DACH2: variants seen among roughly 807,000 people sequenced by gnomAD.
The protein encoded by DACH2 is dachshund family transcription factor 2, also known as dachshund homolog 2.
A neutral mutation model predicts 35.8 loss-of-function variants in DACH2; 17 were observed. That is an observed-to-expected ratio of 0.48 (90% CI 0.33 to 0.71). The LOEUF is 0.71. Among genes scored for constraint, DACH2 ranks in the 30% least tolerant of loss-of-function variants. The pLI is 0.02. For missense variants in DACH2, 469 were observed against 472.7 expected (o/e 0.99, Z 0.07); for synonymous variants, 195 against 177.3 (o/e 1.10, Z -0.79).
At chrX:86,695,264 A>G in intron 5 of DACH2, 85 bp downstream of exon 5, 1 of 796,543 alleles carries the variant, frequency 1.3e-6, no homozygotes, top group Non-Finnish European at 1.6e-6. Flanking sequence ...GGCAGGGCTT[A>G]GTCTATTTTT....
chrX:86,205,490 CTCCTTCCTTCCTTCCTTCCT>C (rs1199616660), intron 1 of DACH2, among the ~76,000 whole-genome samples: 3 of 23,338 alleles, frequency 1.3e-4, no homozygotes, highest in Admixed American at 4.2e-4. Flanking sequence ...CCCTCCTTCC[CTCCTTCCTTCCTTCCTTCCT>C]TCCTTCCTTC....
At chrX:86,816,522 T>C (rs1015074109) in intron 11 of DACH2, among the ~76,000 whole-genome samples, 12 of 112,307 alleles carry the variant, frequency 1.1e-4, no homozygotes, top group Non-Finnish European at 1.9e-5. Flanking sequence ...TTGTAACCTA[T>C]CAAAATTTTG....
intron 3 of DACH2, among the ~76,000 whole-genome samples, chrX:86,527,068 A>G (rs1264380466): frequency 3.6e-5 from 4 of 111,089 alleles, no homozygotes; most frequent in Non-Finnish European, 5.7e-5. Flanking sequence ...AGGTGAGGGT[A>G]AGAAAGGAGG....
At chrX:86,791,860 G>C (rs771173000) in intron 7 of DACH2, among the ~76,000 whole-genome samples, 1 of 111,791 alleles carries the variant, frequency 8.9e-6, no homozygotes, top group South Asian at 3.7e-4. Flanking sequence ...AAGTTCAGGG[G>C]TACAAGTAAA....
At position 86,466,027 on chromosome X, in the gene DACH2, T is replaced by C. The variant is rs147743179; in HGVS notation, c.528-48252T>C. On this transcript the variant is annotated intron_variant, in intron 2 of 11. Transcript: ENST00000373125. ...TGGGAAAGGTACTGCATTAGTCCAT[T>C]TTCATGCTGCTGATAAAGACATACC... Among the ~76,000 whole-genome samples the C allele has an allele frequency of 2.8e-3, 316 of 111,681 alleles. 2 individuals are homozygous for C. Among genetic ancestry groups the C allele is most frequent in the Middle Eastern group, 0.019 (4 of 216 alleles).
chrX:86,581,237 G>A (rs2148340629), intron 3 of DACH2, among the ~76,000 whole-genome samples: 1 of 111,830 alleles, frequency 8.9e-6, no homozygotes, highest in Non-Finnish European at 1.9e-5. Flanking sequence ...TGCTAAATAT[G>A]GAAAGGAAAG....
At position 86,544,532 on chromosome X, in the gene DACH2, C is replaced by T. The variant is rs763614114; in HGVS notation, c.640+30141C>T. On this transcript the variant is annotated intron_variant, in intron 3 of 11. Transcript: ENST00000373125. ...GAAATTCCAACTAAGAATTTTATTT[C>T]TGGCCAAACTAAGCTTCATAAGTGA... Among the ~76,000 whole-genome samples the T allele has an allele frequency of 2.7e-5, 3 of 111,249 alleles. No individual in the cohort carries two copies. The South Asian group carries it at 1.2e-3, about 43-fold the overall frequency.
At chrX:86,701,037 C>T (rs1004629800) in intron 5 of DACH2, among the ~76,000 whole-genome samples, 2 of 111,429 alleles carry the variant, frequency 1.8e-5, no homozygotes, top group African/African-American at 3.3e-5. Flanking sequence ...CTTGCAGATG[C>T]ACACCAAAAC....
chrX:86,608,039 A>G (rs1404137589), intron 3 of DACH2, among the ~76,000 whole-genome samples: 1 of 107,692 alleles, frequency 9.3e-6, no homozygotes, highest in Non-Finnish European at 1.9e-5. Flanking sequence ...ATTGTGAATA[A>G]TGCCACAATA....
intron 1 of DACH2, among the ~76,000 whole-genome samples, chrX:86,172,506 A>G (rs1191169971): frequency 8.9e-6 from 1 of 112,063 alleles, no homozygotes; most frequent in Non-Finnish European, 1.9e-5. Flanking sequence ...CCCATCTGAA[A>G]TGTAAGTGAG....
intron 1 of DACH2, among the ~76,000 whole-genome samples, chrX:86,180,204 A>ATATATATATATATATATATATATC (rs2031442208): frequency 1.1e-5 from 1 of 89,726 alleles, no homozygotes; most frequent in Non-Finnish European, 2.2e-5. Flanking sequence ...ATATATATAT[A>ATATATATATATATATATATATATC]TATGGTTCTT....
chrX:86,602,616 T>A (rs1057274481), intron 3 of DACH2, among the ~76,000 whole-genome samples: 2 of 112,162 alleles, frequency 1.8e-5, no homozygotes, highest in African/African-American at 6.5e-5. Context: ...GCCAGAGGTA[T>A]CTTTATATGT....
At chrX:86,281,454 G>A (rs779406213) in intron 1 of DACH2, among the ~76,000 whole-genome samples, 34 of 111,000 alleles carry the variant, frequency 3.1e-4, no homozygotes, top group Non-Finnish European at 5.7e-4. Context: ...TCAACACCCC[G>A]TCATGCTAAA....
At chrX:86,482,910 T>C (rs1161542281) in intron 2 of DACH2, among the ~76,000 whole-genome samples, 1 of 103,370 alleles carries the variant, frequency 9.7e-6, no homozygotes, top group African/African-American at 3.6e-5. Context: ...AAACACTGCA[T>C]ATTCTCACTC....
intron 1 of DACH2, among the ~76,000 whole-genome samples, chrX:86,257,676 A>G (rs193111997): frequency 5.3e-4 from 60 of 112,326 alleles, no homozygotes; most frequent in Admixed American, 4.9e-3. Context: ...CTAAAGTGCT[A>G]GGATTACAGG....
intron 6 of DACH2, among the ~76,000 whole-genome samples, chrX:86,724,586 A>G: frequency 9.0e-6 from 1 of 111,552 alleles, no homozygotes; most frequent in East Asian, 2.8e-4. Flanking sequence ...TCCTTTATAG[A>G]CGACTAGATG....
intron 3 of DACH2, among the ~76,000 whole-genome samples, chrX:86,622,262 A>G (rs193106775): frequency 1.7e-3 from 186 of 111,950 alleles, no homozygotes; most frequent in Non-Finnish European, 3.1e-3. Flanking sequence ...AGTCAAACCT[A>G]TTTATTTATT....
At chrX:86,605,364 T>A (rs2039843421) in intron 3 of DACH2, among the ~76,000 whole-genome samples, 1 of 111,560 alleles carries the variant, frequency 9.0e-6, no homozygotes, top group Admixed American at 9.6e-5. Context: ...TTCTTTATTT[T>A]GCCTTTTTTC....
In DACH2 at chrX:86,704,759, G is replaced by T. The variant is rs1052968850; in HGVS notation, c.931+9580G>T. On this transcript the variant is annotated intron_variant, in intron 5 of 11. Coordinates refer to ENST00000373125, the MANE Select transcript of DACH2 (RefSeq NM_053281.3). ...AAATCAAAACATAATAGATATTGGT[G>T]TGGATGCAGTGAAAAGGGAACACTT... Among the ~76,000 whole-genome samples, 123 of 110,456 alleles carry T rather than the reference G, an allele frequency of 1.1e-3. 1 individual carries two copies. The Admixed American group carries it at 0.012, about 11-fold the overall frequency.
Sources: gnomAD v4.1 joint callset for allele counts (sites outside exome capture counted in the v4.1 genomes callset) on GRCh38, gnomAD v4.1.1 for gene constraint, MANE v1.5 for transcripts, NCBI Gene and HGNC (gene_info 2026-07-23, HGNC 2026-07-21) for gene names.